Variants in C19orf44 observed in about 807,000 individuals in gnomAD.
The protein encoded by C19orf44 is uncharacterized protein C19orf44.
Under a neutral mutation model 50.7 loss-of-function variants are expected in C19orf44, and 43 were observed. That is an observed-to-expected ratio of 0.85 (90% confidence interval 0.66 to 1.09). C19orf44 has a LOEUF of 1.09. Among genes scored for constraint, C19orf44 ranks in the 50% least tolerant of loss-of-function variants. The pLI is 0.00. For missense variants in C19orf44, 722 were observed against 836.2 expected, an observed-to-expected ratio of 0.86 and a Z score of 1.68; for synonymous variants, 298 against 334.7, an observed-to-expected ratio of 0.89 and a Z score of 1.20.
At chr19:16,506,531 TGTG>T (rs1384186202) in intron 3 of C19orf44, among the ~76,000 whole-genome samples, 167 bp from the exon 4 acceptor site, 1 of 151,542 alleles carries the variant, frequency 6.6e-6, no homozygotes, top group Admixed American at 6.6e-5. Flanking sequence ...AGGCAGAAGT[TGTG>T]GTGAGCCAAG....
intron 2 of C19orf44, among the ~76,000 whole-genome samples, 189 bp downstream of exon 2, chr19:16,501,740 C>T (rs948620336): frequency 6.7e-6 from 1 of 149,406 alleles, no homozygotes; most frequent in Non-Finnish European, 1.5e-5. Context: ...TACAGGCATG[C>T]ACCACCACGC....
chr19:16,512,958 C>A (rs549935166), intron 5 of C19orf44, 56 bp from the exon 6 acceptor site: 11 of 1,502,994 alleles, frequency 7.3e-6, no homozygotes, highest in Admixed American at 3.4e-5. Context: ...TCTGTGGACC[C>A]GAAAGTCATT....
chr19:16,511,337 C>T (rs2093456745), intron 5 of C19orf44, among the ~76,000 whole-genome samples: 1 of 151,940 alleles, frequency 6.6e-6, no homozygotes, highest in Non-Finnish European at 1.5e-5. Context: ...ACCTGGCCCC[C>T]TGTATAATTT....
Position 16,519,455 on chromosome 19 carries a change from G to A in C19orf44, c.*41-639G>A. The A allele has an allele frequency of 7.4e-7, 1 of 1,357,860 alleles. No individual in the cohort carries two copies. The highest frequency in any genetic ancestry group is 1.0e-6 in the Non-Finnish European group (1 of 979,846). 84.1% of individuals were successfully genotyped at this position (1,357,860 alleles called of 1,614,324 possible). ...CAGGCAGTGTAGACATGGGAAATGG[G>A]TAGAGAGAACCCGCAGGCCGGCCCT... is the stretch of plus-strand genomic sequence containing the variant. On this transcript the variant is annotated intron_variant, in intron 8 of 8. Transcript: ENST00000221671. This position sits in a 1 kb window ranked among gnomAD's most constrained non-coding sequence, Gnocchi z 6.0.
At chr19:16,510,094 G>A (rs529571469) in intron 5 of C19orf44, 106 bp downstream of exon 5, 149 of 1,559,362 alleles carry the variant, frequency 9.6e-5, no homozygotes, top group Non-Finnish European at 1.0e-4. Flanking sequence ...CCTGAGATTT[G>A]GGCTCTTGTT....
At chr19:16,511,382 G>A (rs1426762591) in intron 5 of C19orf44, among the ~76,000 whole-genome samples, 1 of 151,646 alleles carries the variant, frequency 6.6e-6, no homozygotes, top group Non-Finnish European at 1.5e-5. Context: ...GTCTCCCTAT[G>A]TTCCCCAGCC....
In C19orf44 at chr19:16,506,729, C is replaced by T. The variant is rs770786071; in HGVS notation, c.1104C>T (p.Asp368=). ...DEFRINILSL[D]GLAPAVSENS... ...TTAGAATAAATATTTTATCGCTTGA[C>T]GGTCTGGCTCCAGCTGTCAGTGAGA... Residue 368 remains aspartate (D), a synonymous_variant, in exon 4 of 9, where the codon GAC becomes GAT. Coordinates refer to ENST00000221671, the MANE Select transcript of C19orf44 (RefSeq NM_032207.4). 1.2e-5 allele frequency: 19 copies of T among 1,604,328 alleles called. No individual in the cohort carries two copies. The Admixed American group carries it at 1.5e-4, about 13-fold the overall frequency.
chr19:16,514,437 G>T (rs2093466016), intron 6 of C19orf44, 60 bp from the exon 7 acceptor site: 12 of 1,482,920 alleles, frequency 8.1e-6, no homozygotes, highest in Non-Finnish European at 1.1e-5. Context: ...GCGGTGGGGG[G>T]GGGGCTGCAG....
intron 3 of C19orf44, among the ~76,000 whole-genome samples, chr19:16,505,060 G>T (rs1249894951): frequency 6.6e-6 from 1 of 151,564 alleles, no homozygotes; most frequent in African/African-American, 2.4e-5. Flanking sequence ...CTTGTGATCC[G>T]CCTGCCTCCG....
In C19orf44 at chr19:16,496,444, C is replaced by A. The variant is rs2093409372; in HGVS notation, c.-23C>A. ...GGCGTGAATGTGGCGGCTGCCTCTGCGAATGGACGGCGTGGGAAGAGGTCG... is the reference window on the plus strand; with the variant it reads ...GGCGTGAATGTGGCGGCTGCCTCTGAGAATGGACGGCGTGGGAAGAGGTCG... On this transcript the variant is annotated 5_prime_UTR_variant, in exon 1 of 9. Transcript: ENST00000221671. 2 of 370,918 alleles carry A rather than the reference C, an allele frequency of 5.4e-6. No individual in the cohort carries two copies. The highest frequency in any genetic ancestry group is 5.9e-5 in the East Asian group (1 of 17,016). The allele number at this position is 370,918 out of a possible 1,614,324, so 23.0% of individuals were successfully genotyped here. A position where few individuals can be genotyped will look rare whatever the true frequency, so the allele number is the denominator to read the frequency against.
At chr19:16,498,984 A>C (rs1032547145) in intron 1 of C19orf44, among the ~76,000 whole-genome samples, 3 of 152,076 alleles carry the variant, frequency 2.0e-5, no homozygotes, top group Non-Finnish European at 4.4e-5. Context: ...ACTGGCATTT[A>C]AATGTTACTG....
In C19orf44 at chr19:16,513,016, G is replaced by T; in HGVS notation, c.1642G>T (p.Ala548Ser). The T allele has an allele frequency of 6.2e-7, 1 of 1,612,590 alleles. No individual in the cohort carries two copies. Among genetic ancestry groups the T allele is most frequent in the South Asian group, 1.1e-5 (1 of 91,064 alleles). Residue 548 changes from alanine to serine, a missense_variant and splice_region_variant, in exon 6 of 9, where the codon GCC becomes TCC. Transcript: ENST00000221671. ...CCCTCTCTTTGTCCCCGAGATAGTG[G>T]CCAGCATGGCAGCCATGGGGCCTGC... ...PAFTYEWTKV[A>S]SMAAMGPALG...
At chr19:16,505,641 C>A (rs117003186) in intron 3 of C19orf44, among the ~76,000 whole-genome samples, 2 of 152,290 alleles carry the variant, frequency 1.3e-5, no homozygotes, top group East Asian at 3.9e-4. Context: ...GGAAATTTCC[C>A]AGCTAGCCTT....
rs551661784 is a variant in C19orf44 at position 16,521,116 on chromosome 19, G to C, written c.*1063G>C. On this transcript the variant is annotated 3_prime_UTR_variant, in exon 9 of 9. Transcript: ENST00000221671. ...GCCCAGTGGCTCCTCTGGTGCCCAC[G>C]CCCTTGCCACCCTGCTGTTCCGCTG... 1.6e-6 allele frequency: 1 copy of C among 611,594 alleles called. No homozygotes were observed. The allele number at this position is 611,594 out of a possible 1,614,324, so 37.9% of individuals were successfully genotyped here. A position where few individuals can be genotyped will look rare whatever the true frequency, so the allele number is the denominator to read the frequency against.
Position 16,506,702 on chromosome 19 carries a change from G to A in C19orf44, c.1077G>A (p.Glu359=), listed in dbSNP as rs1247094514. 1 of 1,589,838 alleles carries A rather than the reference G, an allele frequency of 6.3e-7. No homozygotes were observed. The highest frequency in any genetic ancestry group is 8.6e-7 in the Non-Finnish European group (1 of 1,167,522). ...VSEGADDSLD[E]FRINILSLDG... is the part of the protein sequence containing the mutation. ...CTTATACTCATTTTTTAATTACAGA[G>A]TTTAGAATAAATATTTTATCGCTTG... Residue 359 remains glutamate (E), a splice_region_variant and synonymous_variant, in exon 4 of 9, where the codon GAG becomes GAA. Transcript: ENST00000221671.
At chr19:16,498,292 A>AT (rs932789942) in intron 1 of C19orf44, among the ~76,000 whole-genome samples, 8 of 151,616 alleles carry the variant, frequency 5.3e-5, no homozygotes, top group Non-Finnish European at 7.4e-5. Context: ...CAATTTCTTT[A>AT]TTTTTTTTAG....
At position 16,513,851 on chromosome 19, in the gene C19orf44, C is replaced by G. The variant is rs190673757; in HGVS notation, c.1736-646C>G. Among the ~76,000 whole-genome samples the G allele has an allele frequency of 2.1e-3, 319 of 152,320 alleles. 1 individual carries two copies. The highest frequency in any genetic ancestry group is 7.5e-3 in the African/African-American group (310 of 41,574). Reference sequence around the variant, plus strand: ...TGTGGCCCTCACAAAGGCTCCAGTCCAGCCTGAGGCATGAGGGAGGGGCCC... The same window carrying G: ...TGTGGCCCTCACAAAGGCTCCAGTCGAGCCTGAGGCATGAGGGAGGGGCCC... On this transcript the variant is annotated intron_variant, in intron 6 of 8. Coordinates refer to ENST00000221671, the MANE Select transcript of C19orf44 (RefSeq NM_032207.4).
intron 1 of C19orf44, among the ~76,000 whole-genome samples, chr19:16,497,183 C>A (rs1389167660): frequency 6.6e-6 from 1 of 151,572 alleles, no homozygotes; most frequent in African/African-American, 2.4e-5. Context: ...CCTGACCTCA[C>A]GTAATCTGCC....
Position 16,520,915 on chromosome 19 carries a change from G to GTT in C19orf44, c.*863_*864insTT. On this transcript the variant is annotated 3_prime_UTR_variant, in exon 9 of 9. Transcript: ENST00000221671. The surrounding 1 kb of genome is among the most constrained non-coding windows in gnomAD (Gnocchi z 4.0). ...GGCCGTTCTGCTCCCAGCCTTCACT[G>GTT]TAAGACACGGCATTCCGTGTGTGAC... 1 of 1,613,320 alleles carries GTT rather than the reference G, an allele frequency of 6.2e-7. No homozygotes were observed. Among genetic ancestry groups the GTT allele is most frequent in the Non-Finnish European group, 8.5e-7 (1 of 1,179,720 alleles).
Sources: gnomAD v4.1 joint callset for allele counts (sites outside exome capture counted in the v4.1 genomes callset) on GRCh38, gnomAD v4.1.1 for gene constraint, Gnocchi (gnomAD v3.1) non-coding constraint, MANE v1.5 for transcripts, NCBI Gene and HGNC (gene_info 2026-07-23, HGNC 2026-07-21) for gene names.